Variants in CDH23 observed in about 807,000 individuals in gnomAD.
CDH23 encodes the protein cadherin-23.
A neutral mutation model predicts 317.1 loss-of-function variants in CDH23; 189 were observed. The observed-to-expected ratio is 0.60, with a 90% confidence interval of 0.53 to 0.67. The LOEUF is 0.67. Among genes scored for constraint, CDH23 ranks in the 30% least tolerant of loss-of-function variants. CDH23 has a pLI of 0.00. For synonymous variants in CDH23, 1,839 were observed against 1,876.8 expected, an observed-to-expected ratio of 0.98 and a Z score of 0.52; for missense variants, 4,401 against 4,592.4, an observed-to-expected ratio of 0.96 and a Z score of 1.20.
rs143519061 is a variant in CDH23, at chr10:71,398,428, AGTGTGTGTGTGTGT to A, written c.-6+1145_-6+1158del. ...TTGAAATAAGCTAGAGAGACACAGG[AGTGTGTGTGTGTGT>A]GTGTGTGTGTGTGTGTGTGTGTGTG... On this transcript the variant is annotated intron_variant, in intron 1 of 69. Transcript: ENST00000224721. Among the ~76,000 whole-genome samples, 168 of 120,250 alleles carry A rather than the reference AGTGTGTGTGTGTGT, an allele frequency of 1.4e-3. 1 individual carries two copies. The highest frequency in any genetic ancestry group is 4.5e-3 in the African/African-American group (143 of 31,960). 78.9% of individuals were successfully genotyped at this position (120,250 alleles called of 152,430 possible).
intron 30 of CDH23, among the ~76,000 whole-genome samples, chr10:71,728,379 G>A (rs1394681671): frequency 6.6e-6 from 1 of 152,104 alleles, no homozygotes; most frequent in Non-Finnish European, 1.5e-5. Flanking sequence ...CAGCGATGCA[G>A]AGAAACTTTT....
chr10:71,514,311 A>G (rs1854156134), intron 6 of CDH23, among the ~76,000 whole-genome samples: 1 of 152,070 alleles, frequency 6.6e-6, no homozygotes, highest in Non-Finnish European at 1.5e-5. Flanking sequence ...ATTTTTTACA[A>G]ACTCCTCTGG....
Position 71,755,270 on chromosome 10 carries a change from C to G in CDH23, c.4845+13349C>G. Reference sequence around the variant, plus strand: ...AAATGAAAAGGAATTGTGCCTGCATCGTGCCTTTGCGAATCCCAGGGGCTG... The same window carrying G: ...AAATGAAAAGGAATTGTGCCTGCATGGTGCCTTTGCGAATCCCAGGGGCTG... On this transcript the variant is annotated intron_variant, in intron 38 of 69. Transcript: ENST00000224721. 5 of 1,149,776 alleles carry G rather than the reference C, an allele frequency of 4.3e-6. 1 individual carries two copies. In the South Asian group the frequency reaches 6.9e-5, roughly 16 times the overall value. The allele number at this position is 1,149,776 out of a possible 1,614,324, so 71.2% of individuals were successfully genotyped here.
intron 3 of CDH23, among the ~76,000 whole-genome samples, chr10:71,479,149 C>T (rs924625554): frequency 6.6e-6 from 1 of 151,970 alleles, no homozygotes; most frequent in African/African-American, 2.4e-5. Context: ...TGACCGGGCT[C>T]ACACAGCAGG....
At chr10:71,758,764 ACACCTGTAATCCCAG>A (rs1840213106) in intron 38 of CDH23, among the ~76,000 whole-genome samples, 1 of 152,170 alleles carries the variant, frequency 6.6e-6, no homozygotes, top group Admixed American at 6.5e-5. Flanking sequence ...ATGGTGGCTC[ACACCTGTAATCCCAG>A]CACTTTGGAG....
intron 69 of CDH23, among the ~76,000 whole-genome samples, 178 bp downstream of exon 69, chr10:71,813,526 G>A (rs1244737238): frequency 6.6e-6 from 1 of 152,178 alleles, no homozygotes; most frequent in Non-Finnish European, 1.5e-5. Flanking sequence ...GCTTTTGGGG[G>A]CTTTCACAGG....
In CDH23 at chr10:71,799,669, G is replaced by T. The variant is rs377067417; in HGVS notation, c.7362+40G>T. The T allele has an allele frequency of 1.1e-5, 18 of 1,613,618 alleles. No individual in the cohort carries two copies. The Admixed American group carries it at 1.2e-4, about 10-fold the overall frequency. ...AGGGCCTGGAATTTGGAAGTGGGAAGGACCCAGGGTCAGAGACTGAGCAGC... is the reference window on the plus strand; with the variant it reads ...AGGGCCTGGAATTTGGAAGTGGGAATGACCCAGGGTCAGAGACTGAGCAGC... On this transcript the variant is annotated intron_variant, in intron 52 of 69. Coordinates refer to ENST00000224721, the MANE Select transcript of CDH23 (RefSeq NM_022124.6).
At chr10:71,725,793 C>A (rs1187531825) in intron 30 of CDH23, among the ~76,000 whole-genome samples, 1 of 152,166 alleles carries the variant, frequency 6.6e-6, no homozygotes, top group African/African-American at 2.4e-5. Context: ...ACTGTACTAA[C>A]CCCTGTATCC....
intron 11 of CDH23, among the ~76,000 whole-genome samples, chr10:71,636,835 G>C (rs112621312): frequency 2.0e-5 from 3 of 152,214 alleles, no homozygotes; most frequent in Non-Finnish European, 2.9e-5. Context: ...ATGAGTGGCG[G>C]GGCAGGCCTG....
intron 25 of CDH23, 71 bp downstream of exon 25, chr10:71,705,201 GA>G: frequency 7.1e-7 from 1 of 1,415,652 alleles, no homozygotes; most frequent in Non-Finnish European, 9.6e-7. Context: ...GGCAGGGGTA[GA>G]GGGGAGCCCA....
chr10:71,750,825 C>G (rs568586206), intron 38 of CDH23: 11 of 160,452 alleles, frequency 6.9e-5, no homozygotes, highest in South Asian at 1.9e-4. Context: ...AAGGCGGCCA[C>G]GGGGGAGAAG....
At chr10:71,715,397 C>G (rs1866165936) in intron 28 of CDH23, 1 of 152,416 alleles carries the variant, frequency 6.6e-6, no homozygotes, top group African/African-American at 2.4e-5. Flanking sequence ...TCCCACAGGG[C>G]ACCAGGCAGA....
At chr10:71,454,423 C>T (rs1456306934) in intron 3 of CDH23, among the ~76,000 whole-genome samples, 2 of 152,196 alleles carry the variant, frequency 1.3e-5, no homozygotes, top group African/African-American at 2.4e-5. Context: ...CCTGGTTGCC[C>T]GCTGAAGAAA....
At chr10:71,810,445 C>T (rs1050515398) in intron 61 of CDH23, 27 bp from the exon 62 acceptor site, 2 of 1,610,022 alleles carry the variant, frequency 1.2e-6, no homozygotes, top group Non-Finnish European at 8.5e-7. Context: ...GTGGTGGCCA[C>T]ACCCTACAAT....
At chr10:71,763,567 G>A (rs1840452504) in intron 38 of CDH23, among the ~76,000 whole-genome samples, 1 of 152,220 alleles carries the variant, frequency 6.6e-6, no homozygotes, top group African/African-American at 2.4e-5. Context: ...AGGCAGCCTG[G>A]TGGGGCTTCT....
intron 18 of CDH23, among the ~76,000 whole-genome samples, chr10:71,684,775 A>G (rs1428387983): frequency 6.6e-6 from 1 of 152,184 alleles, no homozygotes; most frequent in Non-Finnish European, 1.5e-5. Flanking sequence ...GGAGCCATTC[A>G]GGCTTTGGGG....
chr10:71,537,918 A>G (rs67277557), intron 6 of CDH23, among the ~76,000 whole-genome samples: 14,983 of 152,244 alleles, frequency 0.098, 967 homozygotes, highest in African/African-American at 0.17. Context: ...CTCGGCTGGT[A>G]TAGAGCAGAG....
intron 3 of CDH23, among the ~76,000 whole-genome samples, chr10:71,460,614 G>A (rs765777710): frequency 6.6e-6 from 1 of 152,216 alleles, no homozygotes; most frequent in Admixed American, 6.5e-5. Context: ...GGCCAGGAGC[G>A]GCGTTTGTCT....
intron 9 of CDH23, among the ~76,000 whole-genome samples, chr10:71,581,275 G>GGCTTT (rs1858607671): frequency 6.6e-6 from 1 of 152,196 alleles, no homozygotes; most frequent in Non-Finnish European, 1.5e-5. Flanking sequence ...AAGAATTAAG[G>GGCTTT]GCTTTGTAGG....
Sources: allele counts gnomAD v4.1 joint callset (sites outside exome capture counted in the v4.1 genomes callset), GRCh38; gene constraint gnomAD v4.1.1; transcripts MANE v1.5; gene names NCBI Gene and HGNC (gene_info 2026-07-23, HGNC 2026-07-21).